Variants in ARHGEF28 observed in about 807,000 individuals in gnomAD.
ARHGEF28 encodes 190 kDa guanine nucleotide exchange factor.
ARHGEF28 carries 152 observed loss-of-function variants against 206.6 expected under a neutral mutation model. The observed-to-expected ratio is 0.74, with a 90% CI of 0.64 to 0.84. The LOEUF is 0.84. Ranked by LOEUF, ARHGEF28 falls within the 40% of genes least tolerant of loss-of-function variation. The pLI is 0.00. For synonymous variants in ARHGEF28, 763 were observed against 776.4 expected (o/e 0.98, Z 0.29); for missense variants, 2,028 against 2,073.2 (o/e 0.98, Z 0.42).
chr5:73,674,693 G>A (rs1344510173), intron 1 of ARHGEF28, among the ~76,000 whole-genome samples: 2 of 152,208 alleles, frequency 1.3e-5, no homozygotes, highest in East Asian at 1.9e-4. Flanking sequence ...TTAGAGGATT[G>A]GGATTTTCAG....
Position 73,886,062 on chromosome 5 carries a change from G to C in ARHGEF28, c.3268G>C (p.Asp1090His). Reference sequence around the variant, plus strand: ...GAGTGAAGAAAGGACTCTGTTATATGATGGCCTTGTTTACTGGAAAACTGC... The same window carrying C: ...GAGTGAAGAAAGGACTCTGTTATATCATGGCCTTGTTTACTGGAAAACTGC... The part of the protein sequence containing the change: ...LMSEERTLLY[D>H]GLVYWKTATG... Residue 1090 changes from aspartate (D) to histidine (H), a missense_variant, in exon 25 of 36, where the codon GAT becomes CAT. Around this residue, in one of 3 missense-constraint regions of ARHGEF28, gnomAD observed 803 missense variants for 768.0 expected, o/e 1.05. Transcript: ENST00000513042. The C allele has an allele frequency of 6.2e-7, 1 of 1,613,700 alleles. No individual in the cohort carries two copies.
intron 13 of ARHGEF28, among the ~76,000 whole-genome samples, chr5:73,850,426 T>A (rs1758631591): frequency 6.6e-6 from 1 of 152,120 alleles, no homozygotes; most frequent in East Asian, 1.9e-4. Flanking sequence ...TCTGGATTTT[T>A]GTTTTTTACT....
chr5:73,782,132 T>TAAA (rs35157852), intron 7 of ARHGEF28, among the ~76,000 whole-genome samples: 50,995 of 142,920 alleles, frequency 0.36, 10,157 homozygotes, highest in Non-Finnish European at 0.45. Flanking sequence ...GCATGTTTGT[T>TAAA]AAAAAAAAAA....
chr5:73,924,389 C>T (rs369477385), intron 35 of ARHGEF28, among the ~76,000 whole-genome samples: 83 of 152,270 alleles, frequency 5.5e-4, no homozygotes, highest in African/African-American at 1.9e-3. Flanking sequence ...TCAGTTTCCT[C>T]ATCTCTACAG....
chr5:73,772,098 T>A (rs1207375866), intron 4 of ARHGEF28, among the ~76,000 whole-genome samples: 2 of 152,206 alleles, frequency 1.3e-5, no homozygotes. Context: ...GCTATCTATA[T>A]CTCTATAGAT....
intron 4 of ARHGEF28, among the ~76,000 whole-genome samples, chr5:73,770,132 C>T (rs949800221): frequency 2.6e-5 from 4 of 152,226 alleles, no homozygotes; most frequent in African/African-American, 7.2e-5. Flanking sequence ...TCTGACCTTC[C>T]TTGCCCTTGT....
At chr5:73,712,563 A>C (rs1749313800) in intron 2 of ARHGEF28, among the ~76,000 whole-genome samples, 2 of 152,190 alleles carry the variant, frequency 1.3e-5, no homozygotes, top group Admixed American at 1.3e-4. Flanking sequence ...CCTTCTGCAA[A>C]GGGTAGTGTT....
chr5:73,754,518 G>T (rs1752198015), intron 4 of ARHGEF28, among the ~76,000 whole-genome samples: 1 of 152,148 alleles, frequency 6.6e-6, no homozygotes, highest in Non-Finnish European at 1.5e-5. Flanking sequence ...AAGGAGATAT[G>T]AAATATAAGG....
intron 2 of ARHGEF28, among the ~76,000 whole-genome samples, chr5:73,724,613 T>A (rs753901832): frequency 6.6e-6 from 1 of 152,176 alleles, no homozygotes; most frequent in Non-Finnish European, 1.5e-5. Flanking sequence ...CCTATAGCTG[T>A]AAAAGATAAC....
chr5:73,681,299 A>G (rs1747084184), intron 1 of ARHGEF28, among the ~76,000 whole-genome samples: 1 of 152,192 alleles, frequency 6.6e-6, no homozygotes, highest in Admixed American at 6.5e-5. Context: ...AGTATATGCT[A>G]GTGGATATAA....
At chr5:73,937,345 G>C (rs546680217) in intron 35 of ARHGEF28, among the ~76,000 whole-genome samples, 2 of 152,324 alleles carry the variant, frequency 1.3e-5, no homozygotes, top group South Asian at 4.1e-4. Flanking sequence ...CAAAAGCTCA[G>C]TAATGTAGCA....
At chr5:73,789,534 G>A (rs938370700) in intron 7 of ARHGEF28, among the ~76,000 whole-genome samples, 2 of 152,002 alleles carry the variant, frequency 1.3e-5, no homozygotes, top group Admixed American at 6.6e-5. Flanking sequence ...CCATTGAAGT[G>A]TATACTCTAA....
chr5:73,627,807 C>T (rs1743100232), intron 1 of ARHGEF28, among the ~76,000 whole-genome samples: 1 of 152,066 alleles, frequency 6.6e-6, no homozygotes, highest in African/African-American at 2.4e-5. Flanking sequence ...TCAGAGCTAG[C>T]TATAGAGTGT....
intron 2 of ARHGEF28, among the ~76,000 whole-genome samples, chr5:73,735,248 T>TAATTAAATTAAAATTAAAAATAAATA (rs1455397485): frequency 1.3e-5 from 2 of 151,394 alleles, no homozygotes; most frequent in African/African-American, 4.8e-5. Flanking sequence ...TAAAATTAAT[T>TAATTAAATTAAAATTAAAAATAAATA]AAATTAAATT....
At chr5:73,716,822 A>G (rs1408118414) in intron 2 of ARHGEF28, among the ~76,000 whole-genome samples, 2 of 152,182 alleles carry the variant, frequency 1.3e-5, no homozygotes, top group African/African-American at 4.8e-5. Context: ...TATTTAGTTA[A>G]ACTAAATACT....
chr5:73,760,942 A>G (rs1209843463), intron 4 of ARHGEF28, among the ~76,000 whole-genome samples: 1 of 152,200 alleles, frequency 6.6e-6, no homozygotes, highest in Non-Finnish European at 1.5e-5. Flanking sequence ...TGGCCCTTAT[A>G]CTGGAATAGA....
At chr5:73,702,026 G>A (rs970155922) in intron 2 of ARHGEF28, among the ~76,000 whole-genome samples, 1 of 152,198 alleles carries the variant, frequency 6.6e-6, no homozygotes, top group Non-Finnish European at 1.5e-5. Flanking sequence ...ACGTCCAGGA[G>A]TATGATTGCT....
intron 2 of ARHGEF28, among the ~76,000 whole-genome samples, chr5:73,693,557 G>A (rs1580490571): frequency 6.6e-6 from 1 of 152,184 alleles, no homozygotes; most frequent in African/African-American, 2.4e-5. Context: ...TTCAAAACAG[G>A]TTAGTACAGC....
intron 9 of ARHGEF28, 120 bp downstream of exon 9, chr5:73,795,511 T>C: frequency 2.4e-6 from 2 of 839,708 alleles, no homozygotes; most frequent in Admixed American, 2.4e-5. Context: ...ATCTATTTCC[T>C]GAAACGCATC....
Sources: allele counts gnomAD v4.1 joint callset (sites outside exome capture counted in the v4.1 genomes callset), GRCh38; gene constraint gnomAD v4.1.1; regional missense constraint gnomAD v4.1.1; transcripts MANE v1.5; gene names NCBI Gene and HGNC (gene_info 2026-07-23, HGNC 2026-07-21).